Variants in ZFP2 observed in about 807,000 individuals in gnomAD.
ZFP2 encodes the protein zinc finger protein ZFP2.
Under a neutral mutation model 36.1 loss-of-function variants are expected in ZFP2, and 33 were observed. The ratio of observed to expected loss-of-function variants is 0.92; its 90% CI spans 0.69 to 1.22. The LOEUF is 1.22. Among genes scored for constraint, ZFP2 ranks in the 50% most tolerant of loss-of-function variants. The pLI, the probability that ZFP2 is intolerant of heterozygous loss-of-function variation, is 0.00. For missense variants in ZFP2, 522 were observed against 551.4 expected (o/e 0.95, Z 0.53); for synonymous variants, 170 against 178.0 (o/e 0.96, Z 0.36).
intron 4 of ZFP2, among the ~76,000 whole-genome samples, chr5:178,917,593 CAACAGAGCAAGACTCCATCTCAAAA>C (rs1308667190): frequency 1.3e-5 from 2 of 149,988 alleles, no homozygotes; most frequent in African/African-American, 2.5e-5. Context: ...CCAGCCTGGG[CAACAGAGCAAGACTCCATCTCAAAA>C]AAAAAAAAAA....
At chr5:178,928,234 G>A (rs532592906) in intron 4 of ZFP2, among the ~76,000 whole-genome samples, 86 of 151,960 alleles carry the variant, frequency 5.7e-4, no homozygotes, top group Non-Finnish European at 4.0e-4. Context: ...TTCTGCCCCT[G>A]GCCCCTCCCA....
intron 1 of ZFP2, chr5:178,910,170 C>T: frequency 6.7e-7 from 1 of 1,501,052 alleles, no homozygotes; most frequent in East Asian, 2.3e-5. Flanking sequence ...TAATGCTTTG[C>T]AGCCATCAAA....
chr5:178,931,750 C>G lies in ZFP2; in HGVS notation c.437C>G (p.Thr146Ser), dbSNP rs1454677467. The change falls in exon 5 of 5, where the codon ACT (threonine) becomes AGT (serine). Residue 146 changes from threonine (T) to serine (S), a missense_variant. Physicochemically the swap from Thr to Ser is moderately conservative, Grantham distance 58. Transcript: ENST00000361362. ...CACTTCATTGAACGATCCTCCCTTA[C>G]TGTACATCAAAGAATTCATACTGGA... ...GKHFIERSSLTVHQRIHTGEK... is the reference protein window; with the variant it reads ...GKHFIERSSLSVHQRIHTGEK... The G allele has an allele frequency of 3.1e-6, 5 of 1,613,986 alleles. No homozygotes were observed. The highest frequency in any genetic ancestry group is 4.2e-6 in the Non-Finnish European group (5 of 1,180,026).
Position 178,922,404 on chromosome 5 carries a change from T to A in ZFP2, c.-78+5694T>A. ...ATAGAGTTGGCATTGGAAACATTTT[T>A]ATTTGCAGTTATTTTGTCTACTTTT... On this transcript the variant is annotated intron_variant, in intron 4 of 4. Transcript: ENST00000361362. 2.3e-6 allele frequency: 3 copies of A among 1,298,198 alleles called. No homozygotes were observed. The South Asian group carries it at 3.5e-5, about 15-fold the overall frequency. The allele number at this position is 1,298,198 out of a possible 1,614,324, so 80.4% of individuals were successfully genotyped here. A position where few individuals can be genotyped will look rare whatever the true frequency, so the allele number is the denominator to read the frequency against.
chr5:178,900,213 G>A (rs1758026388), intron 1 of ZFP2, among the ~76,000 whole-genome samples: 1 of 152,190 alleles, frequency 6.6e-6, no homozygotes, highest in Non-Finnish European at 1.5e-5. Context: ...CCCAATTTAA[G>A]CATAGAATTC....
intron 1 of ZFP2, among the ~76,000 whole-genome samples, chr5:178,898,383 A>G (rs1022352230): frequency 2.0e-5 from 3 of 152,234 alleles, no homozygotes; most frequent in Non-Finnish European, 4.4e-5. Context: ...ATTGAGACAT[A>G]TTGTGCAAGA....
Position 178,932,696 on chromosome 5 carries a change from G to A in ZFP2, c.1383G>A (p.Thr461=), listed in dbSNP as rs912162546. The A allele has an allele frequency of 5.0e-6, 8 of 1,585,428 alleles. No individual in the cohort carries two copies. Among genetic ancestry groups the A allele is most frequent in the Admixed American group, 3.6e-5 (2 of 55,540 alleles). Residue 461 remains threonine, a synonymous_variant, in exon 5 of 5, where the codon ACG becomes ACA. Coordinates refer to ENST00000361362, the MANE Select transcript of ZFP2 (RefSeq NM_030613.4). ...TTACACGACATCAAAGAACTCATAC[G>A]TGAGGAATGTTTTCACTGGCCCTTA... ...TNLTRHQRTH[T]
intron 1 of ZFP2, among the ~76,000 whole-genome samples, chr5:178,904,551 T>C (rs1025503092): frequency 6.6e-6 from 1 of 151,178 alleles, no homozygotes; most frequent in African/African-American, 2.4e-5. Context: ...TATGAGAGTT[T>C]ATATTATAAT....
At chr5:178,904,405 G>C (rs1447809643) in intron 1 of ZFP2, among the ~76,000 whole-genome samples, 3 of 152,132 alleles carry the variant, frequency 2.0e-5, no homozygotes, top group African/African-American at 7.2e-5. Context: ...GGCTGTTTTA[G>C]CTCAGCAGAG....
At position 178,908,594 on chromosome 5, in the gene ZFP2, C is replaced by G. The variant is rs574033868; in HGVS notation, c.-449-3990C>G. On this transcript the variant is annotated intron_variant, in intron 1 of 4. Transcript: ENST00000361362. Reference sequence around the variant, plus strand: ...ATTCACCCTAACCATCCCATCCCCCCCTCCCTGCTCTATGCCTTCCCCTAC... The same window carrying G: ...ATTCACCCTAACCATCCCATCCCCCGCTCCCTGCTCTATGCCTTCCCCTAC... 9.5e-4 allele frequency among the ~76,000 whole-genome samples: 142 copies of G among 150,166 alleles called. 1 individual carries two copies. The highest frequency in any genetic ancestry group is 3.3e-3 in the East Asian group (17 of 5,134).
At chr5:178,918,448 C>T (rs1049308509) in intron 4 of ZFP2, among the ~76,000 whole-genome samples, 7 of 152,162 alleles carry the variant, frequency 4.6e-5, no homozygotes, top group Admixed American at 4.6e-4. Flanking sequence ...AAGCATGGGA[C>T]CTGCTTGCTG....
At position 178,933,189 on chromosome 5, in the gene ZFP2, A is replaced by C. The variant is rs569491284; in HGVS notation, c.*490A>C. 1.2e-5 allele frequency: 2 copies of C among 169,540 alleles called. No individual in the cohort carries two copies. Among genetic ancestry groups the C allele is most frequent in the East Asian group, 3.8e-4 (2 of 5,226 alleles). The allele number at this position is 169,540 out of a possible 1,614,324, so 10.5% of individuals were successfully genotyped here. On this transcript the variant is annotated 3_prime_UTR_variant, in exon 5 of 5. Coordinates refer to ENST00000361362, the MANE Select transcript of ZFP2 (RefSeq NM_030613.4). ...GTTAGCTCTAAAATGCTACAACTCT[A>C]TAAATATAATGAATGCTGGGAAATC... is the stretch of plus-strand genomic sequence containing the variant.
chr5:178,912,929 TG>T, intron 2 of ZFP2, 52 bp from the exon 3 acceptor site: 1 of 957,456 alleles, frequency 1.0e-6, no homozygotes, highest in South Asian at 4.8e-5. Context: ...CTGCTAGGAT[TG>T]GTTTTTAGGC....
chr5:178,932,333 TCTAA>T lies in ZFP2; in HGVS notation c.1023_1026del (p.Thr342AsnfsTer131). Reference sequence around the variant, plus strand: ...GAAAAGCTTTCAGTAAGAATTCATCTCTAACTCAACATCGGAGAATTCACACTGG... The same window carrying T: ...GAAAAGCTTTCAGTAAGAATTCATCTCTCAACATCGGAGAATTCACACTGG... On this transcript the variant is annotated frameshift_variant, in exon 5 of 5. Transcript: ENST00000361362. LOFTEE classifies it high-confidence loss of function. 6.2e-7 allele frequency: 1 copy of T among 1,614,170 alleles called. No individual in the cohort carries two copies. The highest frequency in any genetic ancestry group is 1.1e-5 in the South Asian group (1 of 91,076).
chr5:178,905,406 A>G (rs1758148794), intron 1 of ZFP2, among the ~76,000 whole-genome samples: 4 of 152,244 alleles, frequency 2.6e-5, no homozygotes, highest in Admixed American at 6.5e-5. Context: ...GCTCAGTATC[A>G]TATCTGAAGA....
chr5:178,909,854 G>A (rs1758252325), intron 1 of ZFP2: 1 of 1,585,302 alleles, frequency 6.3e-7, no homozygotes, highest in Admixed American at 1.7e-5. Flanking sequence ...GGTTGCTGAG[G>A]TCAGGGCCAA....
chr5:178,905,798 C>T (rs1406861545), intron 1 of ZFP2, among the ~76,000 whole-genome samples: 2 of 151,594 alleles, frequency 1.3e-5, no homozygotes, highest in East Asian at 1.9e-4. Context: ...ATTGCCCAGA[C>T]TGGACTACAG....
intron 1 of ZFP2, among the ~76,000 whole-genome samples, chr5:178,897,369 A>T (rs1352655083): frequency 1.3e-5 from 2 of 152,204 alleles, no homozygotes; most frequent in Non-Finnish European, 2.9e-5. Context: ...TTAATTTTGT[A>T]TCTGATACAT....
At chr5:178,906,638 C>T (rs1018826035) in intron 1 of ZFP2, among the ~76,000 whole-genome samples, 1 of 152,052 alleles carries the variant, frequency 6.6e-6, no homozygotes, top group African/African-American at 2.4e-5. Context: ...TCACTGCAAC[C>T]TCCGCCTCCC....
Sources: gnomAD v4.1 joint callset for allele counts (sites outside exome capture counted in the v4.1 genomes callset) on GRCh38, gnomAD v4.1.1 for gene constraint, MANE v1.5 for transcripts, NCBI Gene and HGNC (gene_info 2026-07-23, HGNC 2026-07-21) for gene names.